Variants in HIVEP3 observed in about 807,000 individuals in gnomAD.
HIVEP3 encodes HIVEP zinc finger 3.
HIVEP3 carries 49 observed loss-of-function variants against 152.8 expected under a neutral mutation model. The ratio of observed to expected loss-of-function variants is 0.32; its 90% confidence interval spans 0.26 to 0.41. The LOEUF is 0.41. Among genes scored for constraint, HIVEP3 ranks in the 10% least tolerant of loss-of-function variants. The probability of loss-of-function intolerance (pLI) is 1.00; values close to 1 mark genes in which losing one functional copy is unlikely to be tolerated. For synonymous variants in HIVEP3, 1,269 were observed against 1,289.0 expected (o/e 0.98, Z 0.33); for missense variants, 2,790 against 3,103.3 (o/e 0.90, Z 2.40).
intron 1 of HIVEP3, among the ~76,000 whole-genome samples, chr1:42,011,352 C>G (rs1645491292): frequency 6.6e-6 from 1 of 152,154 alleles, no homozygotes; most frequent in South Asian, 2.1e-4. Flanking sequence ...ATTTTAAAAT[C>G]TAGACTCACG....
At chr1:41,930,618 G>T (rs777893165) in intron 1 of HIVEP3, among the ~76,000 whole-genome samples, 16 of 152,106 alleles carry the variant, frequency 1.1e-4, no homozygotes, top group Admixed American at 2.0e-4. Flanking sequence ...TCAATAACTT[G>T]AGTAAATACC....
intron 1 of HIVEP3, among the ~76,000 whole-genome samples, chr1:42,028,923 A>G (rs1393459395): frequency 6.6e-6 from 1 of 152,246 alleles, no homozygotes; most frequent in Non-Finnish European, 1.5e-5. Context: ...AACTACTGCC[A>G]AGGGGAACAT....
intron 2 of HIVEP3, among the ~76,000 whole-genome samples, chr1:41,681,504 T>C (rs905722198): frequency 5.3e-5 from 8 of 152,190 alleles, no homozygotes; most frequent in African/African-American, 1.9e-4. Flanking sequence ...CATACTAAAG[T>C]GCTCAGCTGG....
chr1:41,777,201 CAAATGCTGGGCTGCA>C (rs1325723954), intron 1 of HIVEP3, among the ~76,000 whole-genome samples: 1 of 152,188 alleles, frequency 6.6e-6, no homozygotes, highest in African/African-American at 2.4e-5. Flanking sequence ...CAGGAAGCTC[CAAATGCTGGGCTGCA>C]GCCCAGAGGG....
intron 1 of HIVEP3, among the ~76,000 whole-genome samples, chr1:41,802,098 C>G (rs761472250): frequency 4.6e-5 from 7 of 152,254 alleles, no homozygotes; most frequent in Non-Finnish European, 1.0e-4. Flanking sequence ...GGACTGGTAT[C>G]ATGTCCCTGC....
intron 1 of HIVEP3, among the ~76,000 whole-genome samples, chr1:41,974,102 A>G (rs1486409183): frequency 1.3e-5 from 2 of 152,152 alleles, no homozygotes; most frequent in Non-Finnish European, 2.9e-5. Flanking sequence ...AGAGAGCTGG[A>G]TGCGTTCACA....
intron 1 of HIVEP3, among the ~76,000 whole-genome samples, chr1:41,855,676 C>T (rs1325547066): frequency 6.6e-6 from 1 of 152,154 alleles, no homozygotes; most frequent in African/African-American, 2.4e-5. Flanking sequence ...ACTTTTCATA[C>T]ACAAAAATCA....
At chr1:41,552,718 T>C (rs566829292) in intron 5 of HIVEP3, among the ~76,000 whole-genome samples, 124 of 152,174 alleles carry the variant, frequency 8.1e-4, no homozygotes, top group Non-Finnish European at 5.9e-4. Flanking sequence ...TTTATAGTCC[T>C]TTGGGTATAT....
At chr1:41,746,417 T>G (rs972047808) in intron 1 of HIVEP3, among the ~76,000 whole-genome samples, 1 of 152,170 alleles carries the variant, frequency 6.6e-6, no homozygotes, top group Non-Finnish European at 1.5e-5. Flanking sequence ...AGAAAGAGCA[T>G]TGGGGACTTG....
intron 1 of HIVEP3, among the ~76,000 whole-genome samples, chr1:41,800,595 T>C (rs1033220813): frequency 6.6e-6 from 1 of 152,092 alleles, no homozygotes; most frequent in Non-Finnish European, 1.5e-5. Context: ...AAATAATAAA[T>C]CATGATTTTA....
chr1:41,713,194 C>T (rs946157221), intron 1 of HIVEP3, among the ~76,000 whole-genome samples: 3 of 152,286 alleles, frequency 2.0e-5, no homozygotes, highest in Admixed American at 2.0e-4. Context: ...TGTCCTCCCA[C>T]CCCCGATCTG....
intron 1 of HIVEP3, among the ~76,000 whole-genome samples, chr1:41,776,065 A>C (rs1026634704): frequency 6.6e-6 from 1 of 152,232 alleles, no homozygotes; most frequent in Non-Finnish European, 1.5e-5. Flanking sequence ...GGTTTCCTGC[A>C]GCTGAAATAA....
chr1:41,757,461 G>C (rs1201454264), intron 1 of HIVEP3, among the ~76,000 whole-genome samples: 1 of 151,712 alleles, frequency 6.6e-6, no homozygotes, highest in Non-Finnish European at 1.5e-5. Context: ...GGTTTCACCT[G>C]TAGTACCAAG....
intron 1 of HIVEP3, among the ~76,000 whole-genome samples, chr1:41,769,633 A>C (rs973896645): frequency 1.3e-5 from 2 of 152,238 alleles, no homozygotes; most frequent in Non-Finnish European, 2.9e-5. Flanking sequence ...AAGGAAGTAA[A>C]AAGGATAAAA....
At chr1:41,546,007 G>T (rs1019595819) in intron 5 of HIVEP3, among the ~76,000 whole-genome samples, 1 of 152,210 alleles carries the variant, frequency 6.6e-6, no homozygotes, top group South Asian at 2.1e-4. Context: ...AGCCAAACAC[G>T]GCTGAGTGTG....
intron 5 of HIVEP3, among the ~76,000 whole-genome samples, chr1:41,531,335 C>G (rs111162294): frequency 0.011 from 404 of 37,020 alleles, no homozygotes; most frequent in Admixed American, 0.02. Flanking sequence ...GGACATGAGA[C>G]ATAGAGGACA....
intron 3 of HIVEP3, among the ~76,000 whole-genome samples, chr1:41,613,340 C>G (rs1460045407): frequency 6.6e-6 from 1 of 152,192 alleles, no homozygotes; most frequent in South Asian, 2.1e-4. Flanking sequence ...ACGCGTGGGG[C>G]GGGTCTCGTG....
intron 6 of HIVEP3, among the ~76,000 whole-genome samples, chr1:41,520,413 A>G (rs1642730275): frequency 6.6e-6 from 1 of 152,198 alleles, no homozygotes; most frequent in Non-Finnish European, 1.5e-5. Flanking sequence ...TAAATTTCAG[A>G]GTCATCTTGT....
At chr1:41,961,617 C>A (rs1332295154) in intron 1 of HIVEP3, among the ~76,000 whole-genome samples, 1 of 152,270 alleles carries the variant, frequency 6.6e-6, no homozygotes, top group Non-Finnish European at 1.5e-5. Flanking sequence ...AACTGCCTTG[C>A]AGATGCATAA....
Sources: gnomAD v4.1 joint callset for allele counts (sites outside exome capture counted in the v4.1 genomes callset) on GRCh38, gnomAD v4.1.1 for gene constraint, MANE v1.5 for transcripts, NCBI Gene and HGNC (gene_info 2026-07-23, HGNC 2026-07-21) for gene names.